FRMD4B: variants seen among roughly 807,000 people sequenced by gnomAD.
The protein encoded by FRMD4B is FERM domain containing 4B, also known as FERM domain-containing protein 4B.
FRMD4B carries 74 observed loss-of-function variants against 141.5 expected under a neutral mutation model. The ratio of observed to expected loss-of-function variants is 0.52; its 90% CI spans 0.43 to 0.63. The LOEUF is 0.63. Among genes scored for constraint, FRMD4B ranks in the 30% least tolerant of loss-of-function variants. The pLI is 0.00. For synonymous variants in FRMD4B, 506 were observed against 467.9 expected (o/e 1.08, Z -1.05); for missense variants, 1,366 against 1,253.4 (o/e 1.09, Z -1.36).
At chr3:69,320,586 A>C (rs1701963594) in intron 1 of FRMD4B, among the ~76,000 whole-genome samples, 1 of 152,168 alleles carries the variant, frequency 6.6e-6, no homozygotes, top group Non-Finnish European at 1.5e-5. Flanking sequence ...ACCAAAAAAC[A>C]AAAAAACAGG....
At chr3:69,270,986 G>T (rs2019272) in intron 5 of FRMD4B, among the ~76,000 whole-genome samples, 144,189 of 152,262 alleles carry the variant, frequency 0.95, 68,785 homozygotes, top group East Asian at 1. Context: ...TTTATAAAAT[G>T]TTGTATTTTC....
chr3:69,252,736 C>T (rs927790936), intron 5 of FRMD4B, among the ~76,000 whole-genome samples: 1 of 152,122 alleles, frequency 6.6e-6, no homozygotes, highest in Admixed American at 6.5e-5. Flanking sequence ...GTGCCGTCTG[C>T]CCAGGACAGA....
chr3:69,265,550 C>T (rs1186316896), intron 5 of FRMD4B, among the ~76,000 whole-genome samples: 1 of 148,856 alleles, frequency 6.7e-6, no homozygotes, highest in Non-Finnish European at 1.5e-5. Context: ...CCGGTTCACG[C>T]CATTCTCCTG....
intron 1 of FRMD4B, among the ~76,000 whole-genome samples, chr3:69,483,066 T>C (rs1043679237): frequency 2.6e-5 from 4 of 152,192 alleles, no homozygotes; most frequent in Non-Finnish European, 4.4e-5. Context: ...AGAGTAGGCA[T>C]GTAAAGCTGC....
chr3:69,437,268 C>T (rs1005040279), intron 1 of FRMD4B, among the ~76,000 whole-genome samples: 12 of 151,846 alleles, frequency 7.9e-5, no homozygotes, highest in Non-Finnish European at 1.5e-5. Flanking sequence ...GATGAGGTCT[C>T]ACTATGTTGC....
At chr3:69,219,195 A>G (rs2093170000) in intron 9 of FRMD4B, among the ~76,000 whole-genome samples, 1 of 151,856 alleles carries the variant, frequency 6.6e-6, no homozygotes, top group Non-Finnish European at 1.5e-5. Context: ...CAAAATAAAA[A>G]TTAAAGCAAC....
intron 1 of FRMD4B, among the ~76,000 whole-genome samples, chr3:69,475,152 G>A (rs1471761053): frequency 6.6e-6 from 1 of 151,854 alleles, no homozygotes; most frequent in Admixed American, 6.6e-5. Flanking sequence ...CACAGTCTGA[G>A]GTGTCATAAG....
intron 1 of FRMD4B, among the ~76,000 whole-genome samples, chr3:69,537,031 A>G (rs1025535538): frequency 6.6e-6 from 1 of 152,222 alleles, no homozygotes; most frequent in African/African-American, 2.4e-5. Context: ...TACAGGCATG[A>G]GCCACTGCAC....
At chr3:69,480,737 A>G (rs1706105759) in intron 1 of FRMD4B, among the ~76,000 whole-genome samples, 1 of 152,204 alleles carries the variant, frequency 6.6e-6, no homozygotes, top group Non-Finnish European at 1.5e-5. Flanking sequence ...GCTCTCTTCA[A>G]AGCTGTCAGA....
At chr3:69,201,330 A>G (rs1213578218) in intron 11 of FRMD4B, among the ~76,000 whole-genome samples, 1 of 152,198 alleles carries the variant, frequency 6.6e-6, no homozygotes, top group Non-Finnish European at 1.5e-5. Context: ...GTTTTCTTTT[A>G]TTAATAAAAA....
intron 1 of FRMD4B, among the ~76,000 whole-genome samples, chr3:69,464,563 T>A (rs1705753019): frequency 6.6e-6 from 1 of 152,148 alleles, no homozygotes; most frequent in South Asian, 2.1e-4. Context: ...TTGCAAATGT[T>A]TTAAATGTGG....
intron 5 of FRMD4B, among the ~76,000 whole-genome samples, chr3:69,260,261 G>C (rs1016268685): frequency 6.6e-6 from 1 of 152,190 alleles, no homozygotes; most frequent in African/African-American, 2.4e-5. Flanking sequence ...GCGGGGAGGT[G>C]TGGAGGGAGA....
rs572329247 is a variant in FRMD4B at position 69,350,148 on chromosome 3, G to C, written c.162+35680C>G. Among the ~76,000 whole-genome samples, 360 of 152,004 alleles carry C rather than the reference G, an allele frequency of 2.4e-3. 3 individuals are homozygous for C. Among genetic ancestry groups the C allele is most frequent in the African/African-American group, 6.7e-3 (277 of 41,480 alleles). ...ACAAGAAAAAAACAAACAACCCCAT[G>C]AAAAAGTGGGCAAAGGATATGAACA... On this transcript the variant is annotated intron_variant, in intron 1 of 22. Coordinates refer to ENST00000398540, the MANE Select transcript of FRMD4B (RefSeq NM_015123.3).
rs575698852 is a variant in FRMD4B, at chr3:69,430,299, G to A, written c.-1+2335C>T. On this transcript the variant is annotated intron_variant, in intron 2 of 5. Coordinates refer to the FRMD4B transcript ENST00000459638. ...CAATCCAGCACCTCAAGGGTAAAAC[G>A]TACTGCCACAAGAGGCCCTTTCAGA... Among the ~76,000 whole-genome samples, 28 of 152,186 alleles carry A rather than the reference G, an allele frequency of 1.8e-4. 1 individual carries two copies. In the South Asian group the frequency reaches 4.6e-3, roughly 25 times the overall value.
At chr3:69,228,279 C>G (rs2093273468) in intron 7 of FRMD4B, 1 of 456,192 alleles carries the variant, frequency 2.2e-6, no homozygotes, top group Non-Finnish European at 4.4e-6. Flanking sequence ...CAAAGCATAT[C>G]TTTTAGACTT....
chr3:69,435,845 G>A (rs1346764221), intron 1 of FRMD4B, among the ~76,000 whole-genome samples: 3 of 152,170 alleles, frequency 2.0e-5, no homozygotes, highest in Non-Finnish European at 2.9e-5. Context: ...TAGGGAAAGT[G>A]CCAACATAGA....
upstream of FRMD4B, among the ~76,000 whole-genome samples, chr3:69,389,323 G>A (rs2106716671): frequency 6.6e-6 from 1 of 152,232 alleles, no homozygotes. Flanking sequence ...GAGCCACTGT[G>A]CCAAGCCTTC....
At chr3:69,488,562 C>T (rs1055255644) in intron 1 of FRMD4B, among the ~76,000 whole-genome samples, 3 of 152,140 alleles carry the variant, frequency 2.0e-5, no homozygotes, top group Non-Finnish European at 4.4e-5. Flanking sequence ...ACCCCTACTT[C>T]ATATCATATA....
chr3:69,269,469 G>C (rs1288453364), intron 5 of FRMD4B, among the ~76,000 whole-genome samples: 8 of 152,182 alleles, frequency 5.3e-5, no homozygotes, highest in East Asian at 1.9e-4. Flanking sequence ...AGGTGATGGA[G>C]CTGAGATTTA....
Sources: gnomAD v4.1 joint callset for allele counts (sites outside exome capture counted in the v4.1 genomes callset) on GRCh38, gnomAD v4.1.1 for gene constraint, MANE v1.5 for transcripts, NCBI Gene and HGNC (gene_info 2026-07-23, HGNC 2026-07-21) for gene names.